GAN: variants seen among roughly 807,000 people sequenced by gnomAD.
GAN encodes the protein epididymis secretory sperm binding protein.
GAN carries 48 observed loss-of-function variants against 71.3 expected under a neutral mutation model. The observed-to-expected ratio is 0.67, with a 90% CI of 0.53 to 0.86. The LOEUF (loss-of-function observed/expected upper bound fraction) is 0.86. Ranked by LOEUF, GAN falls within the 40% of genes least tolerant of loss-of-function variation. The pLI, the probability that GAN is intolerant of heterozygous loss-of-function variation, is 0.00. For synonymous variants in GAN, 386 were observed against 276.8 expected (o/e 1.39, Z -3.92); for missense variants, 928 against 770.1 (o/e 1.21, Z -2.43).
chr16:81,376,335 C>T (rs914495040), intron 9 of GAN, among the ~76,000 whole-genome samples: 1 of 152,150 alleles, frequency 6.6e-6, no homozygotes, highest in Middle Eastern at 3.4e-3. Flanking sequence ...ATAACAAATT[C>T]TGGGGCTGGA....
At chr16:81,324,069 T>C (rs1909302173) in intron 1 of GAN, among the ~76,000 whole-genome samples, 1 of 152,236 alleles carries the variant, frequency 6.6e-6, no homozygotes, top group Non-Finnish European at 1.5e-5. Context: ...ATTTGCTGTG[T>C]TTATCAGAGT....
intron 1 of GAN, among the ~76,000 whole-genome samples, chr16:81,316,371 T>A (rs113497250): frequency 6.6e-6 from 1 of 152,084 alleles, no homozygotes; most frequent in East Asian, 1.9e-4. Flanking sequence ...AACCTTTGCA[T>A]TGGGGAGATA....
At position 81,378,676 on chromosome 16, in the gene GAN, T is replaced by C. The variant is rs1396798858; in HGVS notation, c.*1080T>C. 3 of 152,660 alleles carry C rather than the reference T, an allele frequency of 2.0e-5. No homozygotes were observed. Among genetic ancestry groups the C allele is most frequent in the Non-Finnish European group, 4.4e-5 (3 of 68,048 alleles). 9.5% of individuals were successfully genotyped at this position (152,660 alleles called of 1,614,324 possible). On this transcript the variant is annotated 3_prime_UTR_variant, in exon 11 of 11. Coordinates refer to ENST00000648994, the MANE Select transcript of GAN (RefSeq NM_022041.4). ...TGTAATAGAAGTTTCCCAGTGGCAT[T>C]CACTAGTGAGAGTTTTAGACAAATT...
intron 3 of GAN, among the ~76,000 whole-genome samples, chr16:81,356,478 C>G (rs984320888): frequency 2.0e-5 from 3 of 152,136 alleles, no homozygotes; most frequent in African/African-American, 7.2e-5. Flanking sequence ...ATAGCTGGTT[C>G]TTTTCCTGTC....
chr16:81,367,359 C>T (rs550538492), intron 9 of GAN, among the ~76,000 whole-genome samples: 16 of 151,658 alleles, frequency 1.1e-4, no homozygotes, highest in African/African-American at 3.9e-4. Flanking sequence ...CCTGTCTCTA[C>T]TAAAAGTACA....
In GAN at chr16:81,363,833, C is replaced by A; in HGVS notation, c.1126C>A (p.Leu376Met). 2.5e-6 allele frequency: 4 copies of A among 1,612,510 alleles called. No individual in the cohort carries two copies. Among genetic ancestry groups the A allele is most frequent in the Non-Finnish European group, 3.4e-6 (4 of 1,178,578 alleles). The change falls in exon 7 of 11, where the codon CTG (leucine) becomes ATG (methionine). Residue 376 changes from leucine to methionine, a missense_variant. Physicochemically the swap from Leu to Met is conservative, Grantham distance 15. Transcript: ENST00000648994. The part of the protein sequence containing the change: ...NFGIVEIDGM[L>M]YILGGEDGEK... ...CGGAATTGTGGAGATAGATGGGATG[C>A]TGTACATTTTGGGAGGAGAGGATGG...
chr16:81,329,552 C>A (rs1286116652), intron 1 of GAN, among the ~76,000 whole-genome samples: 1 of 152,190 alleles, frequency 6.6e-6, no homozygotes, highest in Non-Finnish European at 1.5e-5. Context: ...TCATGTCTTA[C>A]CACTCCATCA....
chr16:81,369,394 C>G (rs570700614), intron 9 of GAN, among the ~76,000 whole-genome samples: 113 of 152,300 alleles, frequency 7.4e-4, no homozygotes, highest in African/African-American at 2.6e-3. Flanking sequence ...GAGGTGATGC[C>G]TATCACATCC....
intron 1 of GAN, among the ~76,000 whole-genome samples, chr16:81,351,252 G>T (rs1033002634): frequency 2.6e-5 from 4 of 152,250 alleles, no homozygotes; most frequent in Middle Eastern, 3.4e-3. Context: ...CATTATTGAA[G>T]ATTAATTAGA....
At chr16:81,344,778 T>C (rs1910061182) in intron 1 of GAN, among the ~76,000 whole-genome samples, 1 of 152,142 alleles carries the variant, frequency 6.6e-6, no homozygotes, top group South Asian at 2.1e-4. Flanking sequence ...AAAGAACTTC[T>C]GCACAGCAAA....
chr16:81,318,177 T>C (rs553109057), intron 1 of GAN, among the ~76,000 whole-genome samples: 1 of 152,258 alleles, frequency 6.6e-6, no homozygotes, highest in Non-Finnish European at 1.5e-5. Flanking sequence ...TTATGTATTC[T>C]AGAACTTGAT....
At chr16:81,370,595 A>G (rs762139650) in intron 9 of GAN, among the ~76,000 whole-genome samples, 29 of 152,224 alleles carry the variant, frequency 1.9e-4, no homozygotes, top group Non-Finnish European at 2.6e-4. Flanking sequence ...TCCCATTGGA[A>G]GTGTGTGTGC....
At position 81,357,627 on chromosome 16, in the gene GAN, T is replaced by C. The variant is rs188854679; in HGVS notation, c.852-183T>C. On this transcript the variant is annotated intron_variant, in intron 4 of 10. Coordinates refer to ENST00000648994, the MANE Select transcript of GAN (RefSeq NM_022041.4). ...AGTCCTTTGGGTATATACCCAGTAATGGGATGGCTGGGTCAAATGGCATTC... is the reference window on the plus strand; with the variant it reads ...AGTCCTTTGGGTATATACCCAGTAACGGGATGGCTGGGTCAAATGGCATTC... Among the ~76,000 whole-genome samples the C allele has an allele frequency of 7.2e-5, 11 of 152,310 alleles. No homozygotes were observed. The South Asian group carries it at 2.3e-3, about 32-fold the overall frequency.
intron 9 of GAN, among the ~76,000 whole-genome samples, chr16:81,368,763 C>T (rs750665426): frequency 6.6e-6 from 1 of 152,196 alleles, no homozygotes; most frequent in Non-Finnish European, 1.5e-5. Context: ...TGTGTAGTGT[C>T]ATTAGCCTCT....
chr16:81,368,564 C>T (rs969298691), intron 9 of GAN, among the ~76,000 whole-genome samples: 7 of 152,186 alleles, frequency 4.6e-5, no homozygotes, highest in Admixed American at 1.3e-4. Flanking sequence ...AGACCATGAT[C>T]GTGCCACTAC....
chr16:81,367,580 T>C (rs1910902110), intron 9 of GAN, among the ~76,000 whole-genome samples: 1 of 152,202 alleles, frequency 6.6e-6, no homozygotes, highest in Non-Finnish European at 1.5e-5. Flanking sequence ...CAGTTCCTTA[T>C]TTCTAAGCTC....
At position 81,351,647 on chromosome 16, in the gene GAN, A is replaced by G; in HGVS notation, c.232A>G (p.Ile78Val). The G allele has an allele frequency of 6.4e-7, 1 of 1,566,228 alleles. No homozygotes were observed. Among genetic ancestry groups the G allele is most frequent in the Non-Finnish European group, 8.8e-7 (1 of 1,136,296 alleles). Residue 78 changes from isoleucine (I) to valine (V), a missense_variant, in exon 2 of 11, where the codon ATA becomes GTA. Coordinates refer to ENST00000648994, the MANE Select transcript of GAN (RefSeq NM_022041.4). Reference protein sequence around the residue: ...GSTYKIELEGISVMVMREILD... With the variant: ...GSTYKIELEGVSVMVMREILD... ...AACTTATAAGATTGAACTTGAAGGG[A>G]TATCGGTAATGGTTATGAGAGAGAT... is the stretch of plus-strand genomic sequence containing the variant.
intron 1 of GAN, among the ~76,000 whole-genome samples, chr16:81,322,190 G>A (rs758705049): frequency 8.5e-5 from 13 of 152,204 alleles, no homozygotes; most frequent in South Asian, 8.3e-4. Context: ...ATAGAAATAC[G>A]TAGTACTTTG....
chr16:81,320,476 G>C (rs1909189255), intron 1 of GAN, among the ~76,000 whole-genome samples: 1 of 152,238 alleles, frequency 6.6e-6, no homozygotes, highest in Non-Finnish European at 1.5e-5. Flanking sequence ...CTGGTAATGA[G>C]AGTCTGGCTG....
Sources: gnomAD v4.1 joint callset for allele counts (sites outside exome capture counted in the v4.1 genomes callset) on GRCh38, gnomAD v4.1.1 for gene constraint, MANE v1.5 for transcripts, NCBI Gene and HGNC (gene_info 2026-07-23, HGNC 2026-07-21) for gene names.